SPOCK1: variants seen among roughly 807,000 people sequenced by gnomAD.
SPOCK1 encodes the protein testican-1.
Under a neutral mutation model 55.3 loss-of-function variants are expected in SPOCK1, and 23 were observed. The ratio of observed to expected loss-of-function variants is 0.42; its 90% CI spans 0.30 to 0.59. SPOCK1 has a LOEUF of 0.59. SPOCK1 is among the 20% of genes least tolerant of loss of function. The pLI is 0.22. For synonymous variants in SPOCK1, 226 were observed against 221.0 expected (o/e 1.02, Z -0.20); for missense variants, 499 against 552.5 (o/e 0.90, Z 0.97).
chr5:137,267,000 C>T lies in SPOCK1; in HGVS notation c.232+10G>A. 2 of 1,610,096 alleles carry T rather than the reference C, an allele frequency of 1.2e-6. No homozygotes were observed. Among genetic ancestry groups the T allele is most frequent in the Non-Finnish European group, 1.7e-6 (2 of 1,176,566 alleles). ...ACAGACTATACAGCAAGAAATATTG[C>T]ATCCATTACCTTGGTCAAAGGGCTT... On this transcript the variant is annotated intron_variant, in intron 3 of 10. Coordinates refer to ENST00000394945, the MANE Select transcript of SPOCK1 (RefSeq NM_004598.4).
intron 2 of SPOCK1, among the ~76,000 whole-genome samples, chr5:137,277,925 C>T (rs759596513): frequency 2.6e-5 from 4 of 152,280 alleles, no homozygotes; most frequent in Non-Finnish European, 4.4e-5. Context: ...GAACTGAGCA[C>T]TCACACCTGT....
At chr5:137,309,410 T>G (rs531611229) in intron 2 of SPOCK1, among the ~76,000 whole-genome samples, 1 of 152,330 alleles carries the variant, frequency 6.6e-6, no homozygotes, top group South Asian at 2.1e-4. Flanking sequence ...GCCTTTGTCC[T>G]CACCACCTGT....
At chr5:137,463,842 G>A (rs974460020) in intron 2 of SPOCK1, among the ~76,000 whole-genome samples, 9 of 152,080 alleles carry the variant, frequency 5.9e-5, no homozygotes, top group Admixed American at 2.0e-4. Flanking sequence ...CAGCTACTCC[G>A]GAGACTGAGG....
intron 5 of SPOCK1, among the ~76,000 whole-genome samples, chr5:137,077,467 C>T (rs937258381): frequency 6.6e-6 from 1 of 152,216 alleles, no homozygotes; most frequent in Admixed American, 6.5e-5. Flanking sequence ...AAATACAACC[C>T]TTGCTTGTCA....
intron 2 of SPOCK1, among the ~76,000 whole-genome samples, chr5:137,387,835 C>A (rs1248705968): frequency 6.6e-6 from 1 of 151,026 alleles, no homozygotes; most frequent in African/African-American, 2.4e-5. Context: ...ACTTTCCTCT[C>A]ATTTTTGCTG....
chr5:136,990,932 T>C (rs1750937703), intron 7 of SPOCK1, among the ~76,000 whole-genome samples: 1 of 152,136 alleles, frequency 6.6e-6, no homozygotes, highest in Non-Finnish European at 1.5e-5. Context: ...GCCCTTCTAG[T>C]TGGCCCCAAG....
chr5:137,251,012 T>G (rs1756514233), intron 3 of SPOCK1, among the ~76,000 whole-genome samples: 1 of 152,090 alleles, frequency 6.6e-6, no homozygotes, highest in Non-Finnish European at 1.5e-5. Context: ...TTACCAGCAT[T>G]TTCTTAAACT....
At chr5:137,193,424 T>C (rs901856687) in intron 3 of SPOCK1, among the ~76,000 whole-genome samples, 1 of 151,958 alleles carries the variant, frequency 6.6e-6, no homozygotes, top group African/African-American at 2.4e-5. Flanking sequence ...AGTAACTGGG[T>C]GATGGAGGCC....
At chr5:137,271,590 G>T (rs142965772) in intron 2 of SPOCK1, among the ~76,000 whole-genome samples, 1,106 of 28,602 alleles carry the variant, frequency 0.039, 7 homozygotes, top group South Asian at 0.076. Flanking sequence ...AGCCCATTTT[G>T]AATAAGAACC....
intron 4 of SPOCK1, among the ~76,000 whole-genome samples, chr5:137,130,975 C>T (rs1339563153): frequency 1.3e-5 from 2 of 152,230 alleles, no homozygotes; most frequent in African/African-American, 2.4e-5. Context: ...CTTGAGAACA[C>T]TCTATTTAAA....
chr5:137,275,421 A>C lies in SPOCK1; in HGVS notation c.187-8366T>G, dbSNP rs80197370. 9.4e-3 allele frequency among the ~76,000 whole-genome samples: 1,427 copies of C among 152,336 alleles called. 150 individuals carry two copies. In the East Asian group the frequency reaches 0.24, roughly 25 times the overall value. On this transcript the variant is annotated intron_variant, in intron 2 of 10. Transcript: ENST00000394945. ...CTCACCAAACACAGGGATTGGCAGA[A>C]GCAGTGGTTTCCACCTTGGCTGATG...
At chr5:137,399,480 T>C (rs1479125545) in intron 2 of SPOCK1, among the ~76,000 whole-genome samples, 3 of 151,916 alleles carry the variant, frequency 2.0e-5, no homozygotes, top group African/African-American at 7.3e-5. Flanking sequence ...CAGATAAGTA[T>C]ATACTCATGA....
chr5:137,152,620 C>T (rs903878788), intron 3 of SPOCK1, among the ~76,000 whole-genome samples: 4 of 152,104 alleles, frequency 2.6e-5, no homozygotes, highest in East Asian at 3.9e-4. Context: ...TTCTTTCCAC[C>T]GGAGGGGTTG....
chr5:137,004,635 G>T (rs188042177), intron 6 of SPOCK1, among the ~76,000 whole-genome samples: 1 of 152,020 alleles, frequency 6.6e-6, no homozygotes, highest in Non-Finnish European at 1.5e-5. Context: ...AACACAGCAT[G>T]ACATAGCTAG....
chr5:137,319,933 C>T (rs1243384826), intron 2 of SPOCK1, among the ~76,000 whole-genome samples: 1 of 116,854 alleles, frequency 8.6e-6, no homozygotes, highest in African/African-American at 3.4e-5. Context: ...GCCTGGGCGA[C>T]AGAGCGAGAC....
chr5:137,461,277 T>A (rs1255708908), intron 2 of SPOCK1, among the ~76,000 whole-genome samples: 1 of 152,208 alleles, frequency 6.6e-6, no homozygotes, highest in Non-Finnish European at 1.5e-5. Flanking sequence ...TAAGGGTATG[T>A]GATGCTCAAG....
chr5:137,351,150 A>G (rs1194528612), intron 2 of SPOCK1, among the ~76,000 whole-genome samples: 1 of 152,190 alleles, frequency 6.6e-6, no homozygotes, highest in Non-Finnish European at 1.5e-5. Flanking sequence ...CTGGACGAAG[A>G]AAAGAGCATC....
chr5:137,490,847 T>A (rs1438768612), intron 2 of SPOCK1, among the ~76,000 whole-genome samples: 2 of 152,066 alleles, frequency 1.3e-5, no homozygotes, highest in Non-Finnish European at 2.9e-5. Context: ...ATGGGCCATA[T>A]GGAACCTCAC....
chr5:137,178,495 C>T (rs1233666186), intron 3 of SPOCK1, among the ~76,000 whole-genome samples: 1 of 152,242 alleles, frequency 6.6e-6, no homozygotes, highest in Non-Finnish European at 1.5e-5. Context: ...CCACACCTTG[C>T]TTTTAAGGAG....
Sources: gnomAD v4.1 joint callset for allele counts (sites outside exome capture counted in the v4.1 genomes callset) on GRCh38, gnomAD v4.1.1 for gene constraint, MANE v1.5 for transcripts, NCBI Gene and HGNC (gene_info 2026-07-23, HGNC 2026-07-21) for gene names.